RBFOX1: variants seen among roughly 807,000 people sequenced by gnomAD.
The protein encoded by RBFOX1 is RNA binding protein fox-1 homolog 1.
A neutral mutation model predicts 57.7 loss-of-function variants in RBFOX1; 8 were observed. The ratio of observed to expected loss-of-function variants is 0.14; its 90% CI spans 0.08 to 0.25. RBFOX1 has a LOEUF of 0.25. Among genes scored for constraint, RBFOX1 ranks in the 10% least tolerant of loss-of-function variants. RBFOX1 has a pLI of 1.00. For missense variants in RBFOX1, 611 were observed against 548.5 expected (o/e 1.11, Z -1.14); for synonymous variants, 326 against 222.4 (o/e 1.47, Z -4.15).
intron 10 of RBFOX1, among the ~76,000 whole-genome samples, chr16:7,627,753 G>A (rs550657009): frequency 4.6e-4 from 70 of 152,028 alleles, no homozygotes; most frequent in Admixed American, 3.3e-4. Context: ...TGGTTTTGTC[G>A]AATTCAAAGC....
At chr16:6,241,357 A>G (rs923436638) in intron 1 of RBFOX1, among the ~76,000 whole-genome samples, 2 of 152,298 alleles carry the variant, frequency 1.3e-5, no homozygotes, top group Admixed American at 1.3e-4. Flanking sequence ...AAGATGAAAC[A>G]TACTGTTGTG....
intron 1 of RBFOX1, among the ~76,000 whole-genome samples, chr16:5,412,579 C>T (rs561668811): frequency 6.6e-6 from 1 of 152,218 alleles, no homozygotes; most frequent in African/African-American, 2.4e-5. Context: ...TGAAGACTCC[C>T]CTGGAAGGGT....
intron 2 of RBFOX1, among the ~76,000 whole-genome samples, chr16:5,498,874 A>G (rs1251265699): frequency 6.6e-6 from 1 of 152,216 alleles, no homozygotes; most frequent in African/African-American, 2.4e-5. Flanking sequence ...TCTCCTCTGT[A>G]AGGCCTTTGG....
intron 2 of RBFOX1, among the ~76,000 whole-genome samples, chr16:6,526,337 A>G (rs1198752727): frequency 6.6e-6 from 1 of 152,162 alleles, no homozygotes; most frequent in African/African-American, 2.4e-5. Flanking sequence ...AGGTGTTAAT[A>G]CCAAGCACAT....
rs377716800 is a variant in RBFOX1 at position 6,582,473 on chromosome 16, T to TTTG, written c.-63-72129_-63-72128insTGT. Among the ~76,000 whole-genome samples, 521 of 151,846 alleles carry TTTG rather than the reference T, an allele frequency of 3.4e-3. 1 individual carries two copies. Among genetic ancestry groups the TTTG allele is most frequent in the Middle Eastern group, 6.8e-3 (2 of 294 alleles). ...AATGTTAGCGCCAATTTTTTTTTTT[T>TTTG]TCAATTTTTAGATGCCCTTGGACCT... On this transcript the variant is annotated intron_variant, in intron 2 of 15. Coordinates refer to ENST00000550418, the MANE Select transcript of RBFOX1 (RefSeq NM_018723.4).
intron 10 of RBFOX1, among the ~76,000 whole-genome samples, chr16:7,617,242 C>G (rs2058596298): frequency 6.6e-6 from 1 of 152,206 alleles, no homozygotes; most frequent in Non-Finnish European, 1.5e-5. Flanking sequence ...GTTTCAACTA[C>G]TGAGTTCTGC....
intron 2 of RBFOX1, among the ~76,000 whole-genome samples, chr16:5,529,764 C>T (rs1363407157): frequency 6.6e-6 from 1 of 152,038 alleles, no homozygotes; most frequent in Non-Finnish European, 1.5e-5. Flanking sequence ...AACGGGGTTT[C>T]ACCATGTTAG....
chr16:5,649,576 C>T (rs753104321), intron 3 of RBFOX1, among the ~76,000 whole-genome samples: 3 of 152,196 alleles, frequency 2.0e-5, no homozygotes, highest in Non-Finnish European at 2.9e-5. Flanking sequence ...TAGCTAAGCT[C>T]ATCCCATCGT....
intron 1 of RBFOX1, among the ~76,000 whole-genome samples, chr16:6,093,757 G>A (rs961201373): frequency 2.0e-5 from 3 of 151,778 alleles, no homozygotes; most frequent in Non-Finnish European, 4.4e-5. Context: ...AAATAGCTGG[G>A]ACCACAGGTG....
At position 6,166,975 on chromosome 16, in the gene RBFOX1, A is replaced by T. The variant is rs573681002; in HGVS notation, c.-127+146983A>T. ...TTTTTAATAGAGTCGGGGTTTCACTATATTGGCTAGGCTGGTCTCAAACTC... is the reference window on the plus strand; with the variant it reads ...TTTTTAATAGAGTCGGGGTTTCACTTTATTGGCTAGGCTGGTCTCAAACTC... On this transcript the variant is annotated intron_variant, in intron 1 of 15. Transcript: ENST00000550418. 2.6e-5 allele frequency among the ~76,000 whole-genome samples: 4 copies of T among 151,882 alleles called. No individual in the cohort carries two copies. The East Asian group carries it at 5.8e-4, about 22-fold the overall frequency.
intron 2 of RBFOX1, among the ~76,000 whole-genome samples, chr16:6,463,922 G>A (rs751332707): frequency 6.6e-6 from 1 of 152,020 alleles, no homozygotes; most frequent in Non-Finnish European, 1.5e-5. Context: ...CACCCAGCTT[G>A]ATAGTTTATC....
At chr16:6,874,682 T>A (rs1567666530) in intron 3 of RBFOX1, among the ~76,000 whole-genome samples, 1 of 152,060 alleles carries the variant, frequency 6.6e-6, no homozygotes, top group African/African-American at 2.4e-5. Flanking sequence ...AACATTGTGT[T>A]AATATACTAA....
intron 4 of RBFOX1, among the ~76,000 whole-genome samples, chr16:7,234,145 C>G (rs138799903): frequency 1.6e-3 from 236 of 152,170 alleles, no homozygotes; most frequent in African/African-American, 5.4e-3. Flanking sequence ...TGCTGGCAGA[C>G]GCTTTTGTCA....
At chr16:6,163,059 A>G (rs1024530030) in intron 1 of RBFOX1, among the ~76,000 whole-genome samples, 2 of 152,198 alleles carry the variant, frequency 1.3e-5, no homozygotes, top group African/African-American at 2.4e-5. Context: ...AGCAACAGCA[A>G]TAACTCCAGA....
rs1254690874 is a variant in RBFOX1 at position 6,344,393 on chromosome 16, TTTTTCTTTTTTTTC to T, written c.-64+27341_-64+27354del. Among the ~76,000 whole-genome samples, 49 of 89,746 alleles carry T rather than the reference TTTTTCTTTTTTTTC, an allele frequency of 5.5e-4. 1 individual carries two copies. Among genetic ancestry groups the T allele is most frequent in the African/African-American group, 4.4e-3 (48 of 10,828 alleles). The allele number at this position is 89,746 out of a possible 152,430, so 58.9% of individuals were successfully genotyped here. The stretch of plus-strand genomic sequence containing the variant: ...ACAATCTTTCCTTCTCTCTTCTTCT[TTTTTCTTTTTTTTC>T]TTTTTTTTTTTTGAGACAGAGTCTC... On this transcript the variant is annotated intron_variant, in intron 2 of 15. Transcript: ENST00000550418.
intron 1 of RBFOX1, among the ~76,000 whole-genome samples, chr16:5,462,858 C>G (rs2068835244): frequency 6.6e-6 from 1 of 152,042 alleles, no homozygotes; most frequent in Non-Finnish European, 1.5e-5. Flanking sequence ...TGCTAAAGGT[C>G]CTACAGGCAT....
At chr16:7,159,769 C>A (rs2077906068) in intron 4 of RBFOX1, among the ~76,000 whole-genome samples, 2 of 152,202 alleles carry the variant, frequency 1.3e-5, no homozygotes, top group Admixed American at 1.3e-4. Context: ...TCCCTCCCAT[C>A]AAATAACTGG....
intron 4 of RBFOX1, among the ~76,000 whole-genome samples, chr16:7,187,465 T>G (rs12931814): frequency 0.56 from 84,303 of 150,160 alleles, 23,753 homozygotes; most frequent in Non-Finnish European, 0.6. Flanking sequence ...CAAGGCGGGC[T>G]AATCACGAGA....
chr16:5,806,952 G>C (rs1187552215), intron 3 of RBFOX1, among the ~76,000 whole-genome samples: 1 of 152,120 alleles, frequency 6.6e-6, no homozygotes, highest in Non-Finnish European at 1.5e-5. Flanking sequence ...AGGATCTCCA[G>C]GAAGAGAAGG....
Sources: gnomAD v4.1 joint callset for allele counts (sites outside exome capture counted in the v4.1 genomes callset) on GRCh38, gnomAD v4.1.1 for gene constraint, MANE v1.5 for transcripts, NCBI Gene and HGNC (gene_info 2026-07-23, HGNC 2026-07-21) for gene names.